LHFPL3: variants seen among roughly 807,000 people sequenced by gnomAD.
LHFPL3 encodes the protein LHFPL tetraspan subfamily member 3 protein.
In LHFPL3, 5 loss-of-function variants were observed where a neutral mutation model predicts 19.3. That is an observed-to-expected ratio of 0.26 (90% confidence interval 0.14 to 0.54). The LOEUF (loss-of-function observed/expected upper bound fraction) is 0.54. LHFPL3 is among the 20% of genes least tolerant of loss of function. The probability of loss-of-function intolerance (pLI) is 0.94; values close to 1 mark genes in which losing one functional copy is unlikely to be tolerated. For synonymous variants in LHFPL3, 133 were observed against 126.2 expected, an observed-to-expected ratio of 1.05 and a Z score of -0.36; for missense variants, 249 against 307.4, an observed-to-expected ratio of 0.81 and a Z score of 1.42.
At chr7:104,338,675 GTTTTA>G (rs1789886201) in intron 1 of LHFPL3, among the ~76,000 whole-genome samples, 1 of 151,836 alleles carries the variant, frequency 6.6e-6, no homozygotes. Context: ...TTTTCCTTTG[GTTTTA>G]TTTTCTCACC....
At chr7:104,539,613 G>T (rs953392202) in intron 1 of LHFPL3, among the ~76,000 whole-genome samples, 10 of 152,134 alleles carry the variant, frequency 6.6e-5, no homozygotes, top group African/African-American at 2.4e-4. Flanking sequence ...GTCAACTCTG[G>T]TTGGGCAGGA....
intron 2 of LHFPL3, among the ~76,000 whole-genome samples, chr7:104,835,555 A>C (rs1791073946): frequency 6.7e-6 from 1 of 149,634 alleles, no homozygotes; most frequent in South Asian, 2.1e-4. Context: ...TAAGTAGACA[A>C]AATTCCTGTT....
At chr7:104,499,775 A>C (rs746751169) in intron 1 of LHFPL3, among the ~76,000 whole-genome samples, 1 of 152,236 alleles carries the variant, frequency 6.6e-6, no homozygotes, top group African/African-American at 2.4e-5. Flanking sequence ...AATAAAATGC[A>C]TGCAGTTATA....
At chr7:104,596,582 A>C (rs1584428115) in intron 1 of LHFPL3, among the ~76,000 whole-genome samples, 1 of 152,224 alleles carries the variant, frequency 6.6e-6, no homozygotes, top group African/African-American at 2.4e-5. Context: ...GTTCCGGTCT[A>C]TCTGTGTGTT....
At chr7:104,733,295 C>T (rs1289838547) in intron 1 of LHFPL3, among the ~76,000 whole-genome samples, 4 of 152,008 alleles carry the variant, frequency 2.6e-5, no homozygotes, top group East Asian at 1.9e-4. Flanking sequence ...CTTTCTGTCT[C>T]GTTTCTGTCT....
intron 1 of LHFPL3, among the ~76,000 whole-genome samples, chr7:104,408,671 G>A (rs908886024): frequency 6.6e-6 from 1 of 152,070 alleles, no homozygotes; most frequent in South Asian, 2.1e-4. Flanking sequence ...GTCTATGTCA[G>A]AAACAGTAAA....
At chr7:104,401,743 G>C (rs1196257889) in intron 1 of LHFPL3, among the ~76,000 whole-genome samples, 1 of 152,132 alleles carries the variant, frequency 6.6e-6, no homozygotes, top group Non-Finnish European at 1.5e-5. Flanking sequence ...TAGCAGTCAG[G>C]ACAAACTAGA....
intron 1 of LHFPL3, among the ~76,000 whole-genome samples, chr7:104,537,063 C>A (rs995980556): frequency 2.6e-5 from 4 of 152,114 alleles, no homozygotes; most frequent in East Asian, 1.9e-4. Flanking sequence ...ACTGCTGAAC[C>A]CTTGCAGCTT....
chr7:104,449,484 A>G (rs1792390706), intron 1 of LHFPL3, among the ~76,000 whole-genome samples: 1 of 152,252 alleles, frequency 6.6e-6, no homozygotes, highest in African/African-American at 2.4e-5. Context: ...AAATTAAAAT[A>G]GAATCTCATA....
At chr7:104,797,602 T>G (rs1355094581) in intron 2 of LHFPL3, among the ~76,000 whole-genome samples, 1 of 151,920 alleles carries the variant, frequency 6.6e-6, no homozygotes, top group African/African-American at 2.4e-5. Flanking sequence ...TATACCTTAG[T>G]CTGTCCTTGA....
chr7:104,854,794 G>A (rs1791473130), intron 2 of LHFPL3, among the ~76,000 whole-genome samples: 1 of 152,164 alleles, frequency 6.6e-6, no homozygotes. Context: ...AGTAAAATGT[G>A]CAGGGCTACA....
chr7:104,650,576 C>T (rs1030591223), intron 1 of LHFPL3, among the ~76,000 whole-genome samples: 1 of 152,316 alleles, frequency 6.6e-6, no homozygotes, highest in East Asian at 1.9e-4. Flanking sequence ...TTACTGCATT[C>T]CTTGATGACA....
intron 1 of LHFPL3, among the ~76,000 whole-genome samples, chr7:104,466,198 T>C (rs1342501941): frequency 6.6e-6 from 1 of 152,224 alleles, no homozygotes; most frequent in Non-Finnish European, 1.5e-5. Flanking sequence ...TGAAAATTTA[T>C]ATCTGTTTAA....
chr7:104,855,992 A>G (rs139307247), intron 2 of LHFPL3, among the ~76,000 whole-genome samples: 153 of 152,318 alleles, frequency 1.0e-3, no homozygotes, highest in African/African-American at 3.5e-3. Flanking sequence ...AACCCCATCT[A>G]TGACTGAAGA....
At chr7:104,506,852 C>T (rs1458129366) in intron 1 of LHFPL3, among the ~76,000 whole-genome samples, 1 of 152,102 alleles carries the variant, frequency 6.6e-6, no homozygotes, top group Admixed American at 6.5e-5. Context: ...TGAAAGCAGT[C>T]TCAGCAAAAG....
At chr7:104,411,963 C>T (rs142123379) in intron 1 of LHFPL3, among the ~76,000 whole-genome samples, 5 of 152,158 alleles carry the variant, frequency 3.3e-5, no homozygotes, top group Admixed American at 6.5e-5. Context: ...ATCTCCCGTC[C>T]GACTGTGTGC....
At chr7:104,650,254 G>A (rs1055633738) in intron 1 of LHFPL3, among the ~76,000 whole-genome samples, 3 of 152,200 alleles carry the variant, frequency 2.0e-5, no homozygotes, top group African/African-American at 7.2e-5. Context: ...ACCACAATGA[G>A]GATATGGCTT....
At chr7:104,844,384 G>C (rs1584571462) in intron 2 of LHFPL3, among the ~76,000 whole-genome samples, 1 of 152,212 alleles carries the variant, frequency 6.6e-6, no homozygotes, top group African/African-American at 2.4e-5. Flanking sequence ...AGTTCTAATT[G>C]ATCTGTGTGT....
chr7:104,671,571 C>A (rs948959445), intron 1 of LHFPL3, among the ~76,000 whole-genome samples: 732 of 124,534 alleles, frequency 5.9e-3, no homozygotes, highest in South Asian at 8.4e-3. Context: ...CTTTAAAGTT[C>A]AAAAAAAAAA....
Sources: gnomAD v4.1 joint callset for allele counts (sites outside exome capture counted in the v4.1 genomes callset) on GRCh38, gnomAD v4.1.1 for gene constraint, MANE v1.5 for transcripts, NCBI Gene and HGNC (gene_info 2026-07-23, HGNC 2026-07-21) for gene names.